The following TBC1D5 variants were observed in gnomAD, a reference collection of about 807,000 sequenced individuals.
TBC1D5 encodes TBC1 domain family, member 5.
Under a neutral mutation model 100.3 loss-of-function variants are expected in TBC1D5, and 75 were observed. The ratio of observed to expected loss-of-function variants is 0.75; its 90% CI spans 0.62 to 0.91. TBC1D5 has a LOEUF of 0.91. Ranked by LOEUF, TBC1D5 falls within the 40% of genes least tolerant of loss-of-function variation. TBC1D5 has a pLI of 0.00. For synonymous variants in TBC1D5, 323 were observed against 325.6 expected (o/e 0.99, Z 0.09); for missense variants, 910 against 942.4 (o/e 0.97, Z 0.45).
chr3:17,441,768 T>C (rs923417997), intron 3 of TBC1D5, among the ~76,000 whole-genome samples: 8 of 152,250 alleles, frequency 5.3e-5, no homozygotes, highest in African/African-American at 1.4e-4. Context: ...ATTTCATGCA[T>C]AGTAAACAAT....
At chr3:17,615,161 G>A (rs1026322288) in intron 2 of TBC1D5, among the ~76,000 whole-genome samples, 1 of 152,168 alleles carries the variant, frequency 6.6e-6, no homozygotes, top group African/African-American at 2.4e-5. Context: ...TTTGTTGTTA[G>A]TTCTGTTTAT....
At chr3:17,639,092 A>C (rs2064248886) in intron 1 of TBC1D5, among the ~76,000 whole-genome samples, 1 of 152,186 alleles carries the variant, frequency 6.6e-6, no homozygotes, top group Non-Finnish European at 1.5e-5. Flanking sequence ...TATTAATAAT[A>C]GCCAAAAACT....
In TBC1D5 at chr3:17,591,529, G is replaced by A. The variant is rs141042659; in HGVS notation, c.-36+32320C>T. On this transcript the variant is annotated intron_variant, in intron 2 of 21. Coordinates refer to ENST00000253692, the Ensembl canonical transcript of TBC1D5. ...TGGACACTGGCTCTGAGCTCACATT[G>A]ATTCCAGGGACCCAAAACTTCATTG... Among the ~76,000 whole-genome samples, 706 of 152,262 alleles carry A rather than the reference G, an allele frequency of 4.6e-3. 7 individuals are homozygous for A. The highest frequency in any genetic ancestry group is 0.016 in the African/African-American group (651 of 41,558).
chr3:17,216,503 A>G (rs1373814754), intron 17 of TBC1D5, among the ~76,000 whole-genome samples: 1 of 152,138 alleles, frequency 6.6e-6, no homozygotes, highest in Non-Finnish European at 1.5e-5. Context: ...TGCTTCCTGA[A>G]GAATCCAACC....
chr3:17,466,847 T>C (rs2095309151), intron 3 of TBC1D5, among the ~76,000 whole-genome samples: 1 of 152,064 alleles, frequency 6.6e-6, no homozygotes, highest in African/African-American at 2.4e-5. Flanking sequence ...AACAGGAATA[T>C]TAAGTTACTA....
At chr3:17,602,763 C>A (rs1358165265) in intron 2 of TBC1D5, among the ~76,000 whole-genome samples, 1 of 151,616 alleles carries the variant, frequency 6.6e-6, no homozygotes, top group Non-Finnish European at 1.5e-5. Context: ...TTAGTAGGGA[C>A]AGGGTTTCAC....
chr3:17,719,039 A>T (rs1240319394), intron 1 of TBC1D5, among the ~76,000 whole-genome samples: 1 of 152,184 alleles, frequency 6.6e-6, no homozygotes, highest in African/African-American at 2.4e-5. Context: ...AAATTTTAAA[A>T]ATAAAATCAA....
intron 9 of TBC1D5, among the ~76,000 whole-genome samples, chr3:17,381,841 A>C (rs938885236): frequency 6.6e-6 from 1 of 152,018 alleles, no homozygotes; most frequent in African/African-American, 2.4e-5. Flanking sequence ...TTTTTACACC[A>C]TCTGGAATTT....
chr3:17,732,034 C>A (rs2076602741), intron 1 of TBC1D5, among the ~76,000 whole-genome samples: 1 of 151,992 alleles, frequency 6.6e-6, no homozygotes, highest in African/African-American at 2.4e-5. Flanking sequence ...ACAGACTCTT[C>A]GGGCCAGGCC....
intron 1 of TBC1D5, among the ~76,000 whole-genome samples, chr3:17,625,145 G>T (rs985472069): frequency 5.9e-5 from 9 of 151,918 alleles, no homozygotes; most frequent in African/African-American, 2.2e-4. Flanking sequence ...TATCTTCATA[G>T]CATTTGGTTA....
intron 2 of TBC1D5, among the ~76,000 whole-genome samples, chr3:17,619,911 C>A (rs2062508039): frequency 6.6e-6 from 1 of 152,290 alleles, no homozygotes; most frequent in South Asian, 2.1e-4. Context: ...TATGAAAAGA[C>A]ATTCAAATCC....
chr3:17,648,985 C>G (rs1342376536), intron 1 of TBC1D5, among the ~76,000 whole-genome samples: 4 of 152,016 alleles, frequency 2.6e-5, no homozygotes, highest in Non-Finnish European at 5.9e-5. Context: ...GGGTATATAC[C>G]CAGAGGAATA....
In TBC1D5 at chr3:17,705,935, T is replaced by A; in HGVS notation, c.-101+33408A>T. 3 of 1,164,262 alleles carry A rather than the reference T, an allele frequency of 2.6e-6. 1 individual carries two copies. Among genetic ancestry groups the A allele is most frequent in the Non-Finnish European group, 3.6e-6 (3 of 844,870 alleles). The allele number at this position is 1,164,262 out of a possible 1,614,324, so 72.1% of individuals were successfully genotyped here. On this transcript the variant is annotated intron_variant, in intron 1 of 21. Coordinates refer to ENST00000253692, the Ensembl canonical transcript of TBC1D5. ...CCTCGGGCCCGCGGGGCCCGTCCGC[T>A]CCTCCAGCCGCTGCCTCCCGGGCGG...
intron 15 of TBC1D5, among the ~76,000 whole-genome samples, chr3:17,261,868 A>G (rs1486125960): frequency 6.6e-6 from 1 of 151,650 alleles, no homozygotes; most frequent in Non-Finnish European, 1.5e-5. Context: ...TTTCAAATAA[A>G]ACTTTATAAA....
At chr3:17,200,166 A>C (rs569679506) in intron 18 of TBC1D5, among the ~76,000 whole-genome samples, 1 of 152,236 alleles carries the variant, frequency 6.6e-6, no homozygotes, top group Non-Finnish European at 1.5e-5. Flanking sequence ...TATAAACACT[A>C]TATTTTGCTG....
chr3:17,395,459 C>A (rs1476002420), intron 8 of TBC1D5, among the ~76,000 whole-genome samples: 1 of 151,804 alleles, frequency 6.6e-6, no homozygotes, highest in Non-Finnish European at 1.5e-5. Context: ...CCTGAAGTAC[C>A]AAAGCTGCTT....
chr3:17,246,732 A>C (rs1276759776), intron 16 of TBC1D5, among the ~76,000 whole-genome samples: 2 of 152,208 alleles, frequency 1.3e-5, no homozygotes, highest in African/African-American at 4.8e-5. Flanking sequence ...TACACACAAA[A>C]ATTACTTTGA....
chr3:17,470,415 A>G (rs2095359341), intron 3 of TBC1D5, among the ~76,000 whole-genome samples: 1 of 152,226 alleles, frequency 6.6e-6, no homozygotes, highest in African/African-American at 2.4e-5. Flanking sequence ...TAACAATACA[A>G]TTAGTGGTGG....
intron 13 of TBC1D5, among the ~76,000 whole-genome samples, chr3:17,311,224 G>GATA (rs1231919121): frequency 6.6e-6 from 1 of 151,966 alleles, no homozygotes; most frequent in Non-Finnish European, 1.5e-5. Context: ...TCCCCTTAAA[G>GATA]ATAACTTCAG....
Sources: allele counts gnomAD v4.1 joint callset (sites outside exome capture counted in the v4.1 genomes callset), GRCh38; gene constraint gnomAD v4.1.1; transcripts MANE v1.5; gene names NCBI Gene and HGNC (gene_info 2026-07-23, HGNC 2026-07-21).